FMN1: variants seen among roughly 807,000 people sequenced by gnomAD.
The protein encoded by FMN1 is formin 1.
A neutral mutation model predicts 132.4 loss-of-function variants in FMN1; 110 were observed. The ratio of observed to expected loss-of-function variants is 0.83; its 90% CI spans 0.71 to 0.97. The LOEUF is 0.97. FMN1 is among the 50% of genes least tolerant of loss of function. The pLI is 0.00. For missense variants in FMN1, 1,792 were observed against 1,705.3 expected (o/e 1.05, Z -0.90); for synonymous variants, 722 against 651.7 (o/e 1.11, Z -1.64).
chr15:32,862,612 A>T (rs1484278800), intron 16 of FMN1, among the ~76,000 whole-genome samples: 8 of 152,232 alleles, frequency 5.3e-5, no homozygotes, highest in Non-Finnish European at 7.3e-5. Context: ...CCTAAGAACA[A>T]GGGAATAAAG....
chr15:32,903,466 T>C (rs1332375223), intron 12 of FMN1, among the ~76,000 whole-genome samples: 1 of 152,208 alleles, frequency 6.6e-6, no homozygotes, highest in African/African-American at 2.4e-5. Context: ...GATCCTGTAA[T>C]GAGTCTGGGG....
intron 3 of FMN1, among the ~76,000 whole-genome samples, chr15:33,176,734 T>C (rs1410224104): frequency 1.3e-5 from 2 of 152,224 alleles, no homozygotes; most frequent in Non-Finnish European, 2.9e-5. Context: ...CTTGACTATA[T>C]ATGTTAGCCT....
In FMN1 at chr15:33,178,894, G is replaced by A. The variant is rs77413196; in HGVS notation, c.-132+1304C>T. Among the ~76,000 whole-genome samples the A allele has an allele frequency of 1.2e-3, 176 of 152,330 alleles. 2 individuals carry two copies. The East Asian group carries it at 0.029, about 25-fold the overall frequency. On this transcript the variant is annotated intron_variant, in intron 3 of 20. Coordinates refer to ENST00000616417, the MANE Select transcript of FMN1 (RefSeq NM_001277313.2). The stretch of plus-strand genomic sequence containing the variant: ...TTAAAGCCTCTCTAAAGGGAAGACT[G>A]TCATTGTCACCATCTTTGTATTCCC...
At chr15:32,791,121 T>C (rs1020842547) in intron 19 of FMN1, among the ~76,000 whole-genome samples, 1 of 151,830 alleles carries the variant, frequency 6.6e-6, no homozygotes, top group African/African-American at 2.4e-5. Flanking sequence ...AGACAGTGAG[T>C]GGTCATAGTA....
chr15:33,065,521 T>C (rs2037684163), intron 5 of FMN1, among the ~76,000 whole-genome samples: 1 of 152,170 alleles, frequency 6.6e-6, no homozygotes, highest in African/African-American at 2.4e-5. Flanking sequence ...TTTCAAACAT[T>C]CCACACTGCT....
chr15:32,901,363 C>T (rs1052583674), intron 13 of FMN1, among the ~76,000 whole-genome samples: 3 of 152,134 alleles, frequency 2.0e-5, no homozygotes, highest in East Asian at 1.9e-4. Context: ...AGAAGAATAA[C>T]GTGTCCTTAA....
intron 10 of FMN1, among the ~76,000 whole-genome samples, chr15:32,919,226 A>G (rs2060759638): frequency 6.6e-6 from 1 of 152,194 alleles, no homozygotes; most frequent in African/African-American, 2.4e-5. Context: ...AAAATAAACA[A>G]GTTGGCTTCA....
At chr15:33,092,452 C>T (rs1056627999) in intron 4 of FMN1, among the ~76,000 whole-genome samples, 1 of 152,130 alleles carries the variant, frequency 6.6e-6, no homozygotes, top group Non-Finnish European at 1.5e-5. Context: ...TTCCTTTGGC[C>T]ATCTGAATGT....
chr15:33,039,139 T>A (rs1453289488), intron 6 of FMN1, among the ~76,000 whole-genome samples: 1 of 152,194 alleles, frequency 6.6e-6, no homozygotes, highest in Non-Finnish European at 1.5e-5. Flanking sequence ...AAAAGAGCTA[T>A]CATAGTCATT....
intron 7 of FMN1, among the ~76,000 whole-genome samples, chr15:32,979,453 G>C (rs1220828375): frequency 6.6e-6 from 1 of 151,706 alleles, no homozygotes; most frequent in East Asian, 1.9e-4. Context: ...CTACTTGGGA[G>C]GCTGAGGCAA....
chr15:32,797,422 T>C (rs1363261383), intron 19 of FMN1, among the ~76,000 whole-genome samples: 4 of 152,214 alleles, frequency 2.6e-5, no homozygotes, highest in African/African-American at 4.8e-5. Flanking sequence ...CCAGCTCCTA[T>C]GCTGTTTTAA....
chr15:32,850,144 T>C (rs2058976145), intron 17 of FMN1, among the ~76,000 whole-genome samples: 1 of 152,372 alleles, frequency 6.6e-6, no homozygotes, highest in Middle Eastern at 3.4e-3. Flanking sequence ...TCTCTAGCCA[T>C]ACTTCTTCTT....
At chr15:33,022,109 A>T (rs183969633) in intron 6 of FMN1, among the ~76,000 whole-genome samples, 9 of 152,366 alleles carry the variant, frequency 5.9e-5, no homozygotes, top group African/African-American at 2.2e-4. Flanking sequence ...ACCTATGCAT[A>T]TCCTACTAAA....
chr15:32,963,616 C>A (rs2030854493), intron 9 of FMN1, among the ~76,000 whole-genome samples: 1 of 152,050 alleles, frequency 6.6e-6, no homozygotes, highest in Non-Finnish European at 1.5e-5. Context: ...AGGCCTGGAA[C>A]AAATGCCTAG....
chr15:33,113,267 C>T (rs141019908), intron 4 of FMN1, among the ~76,000 whole-genome samples: 24 of 152,260 alleles, frequency 1.6e-4, no homozygotes, highest in African/African-American at 5.8e-4. Flanking sequence ...TGAATTCAAA[C>T]AACTTCAGTG....
intron 7 of FMN1, among the ~76,000 whole-genome samples, chr15:32,990,994 G>C (rs1037308820): frequency 6.6e-6 from 1 of 152,076 alleles, no homozygotes; most frequent in East Asian, 1.9e-4. Context: ...AGATTTGGGC[G>C]GGGACACAGC....
chr15:32,870,124 T>A (rs1268557395), intron 16 of FMN1, among the ~76,000 whole-genome samples: 1 of 152,204 alleles, frequency 6.6e-6, no homozygotes, highest in Non-Finnish European at 1.5e-5. Context: ...ATTTAGTTCT[T>A]ATCTGCCTGG....
chr15:32,773,491 A>G lies in FMN1; in HGVS notation c.*819T>C, dbSNP rs545974078. ...CTGCCGCTGGGTCTCTTGTCCAAGC[A>G]CACCCAAGGCTGTGCTTGCTCAGGT... is the stretch of plus-strand genomic sequence containing the variant. On this transcript the variant is annotated 3_prime_UTR_variant, in exon 21 of 21. Transcript: ENST00000616417. 1 of 152,334 alleles carries G rather than the reference A, an allele frequency of 6.6e-6. No homozygotes were observed. Among genetic ancestry groups the G allele is most frequent in the East Asian group, 1.9e-4 (1 of 5,174 alleles). The allele number at this position is 152,334 out of a possible 1,614,324, so 9.4% of individuals were successfully genotyped here.
At position 33,011,078 on chromosome 15, in the gene FMN1, T is replaced by C. The variant is rs146424765; in HGVS notation, c.2162-3003A>G. On this transcript the variant is annotated intron_variant, in intron 6 of 20. Coordinates refer to ENST00000616417, the MANE Select transcript of FMN1 (RefSeq NM_001277313.2). Reference sequence around the variant, plus strand: ...CATGTGGAAGCATGAAAGTGCAAAATGCCAATAAGAGCCAAGGAATGCATG... The same window carrying C: ...CATGTGGAAGCATGAAAGTGCAAAACGCCAATAAGAGCCAAGGAATGCATG... Among the ~76,000 whole-genome samples, 595 of 152,216 alleles carry C rather than the reference T, an allele frequency of 3.9e-3. 7 individuals are homozygous for C. The highest frequency in any genetic ancestry group is 0.014 in the African/African-American group (580 of 41,556).
Sources: allele counts gnomAD v4.1 joint callset (sites outside exome capture counted in the v4.1 genomes callset), GRCh38; gene constraint gnomAD v4.1.1; transcripts MANE v1.5; gene names NCBI Gene and HGNC (gene_info 2026-07-23, HGNC 2026-07-21).